CCDC85C: variants seen among roughly 807,000 people sequenced by gnomAD.
CCDC85C encodes the protein coiled-coil domain-containing protein 85C.
A neutral mutation model predicts 38.3 loss-of-function variants in CCDC85C; 18 were observed. The observed-to-expected ratio is 0.47, with a 90% CI of 0.33 to 0.70. CCDC85C has a LOEUF of 0.70. Among genes scored for constraint, CCDC85C ranks in the 30% least tolerant of loss-of-function variants. CCDC85C has a pLI of 0.03. For missense variants in CCDC85C, 566 were observed against 621.2 expected, an observed-to-expected ratio of 0.91 and a Z score of 0.94; for synonymous variants, 264 against 293.8, an observed-to-expected ratio of 0.90 and a Z score of 1.04.
intron 1 of CCDC85C, among the ~76,000 whole-genome samples, chr14:99,601,901 G>A (rs1281597483): frequency 1.3e-5 from 2 of 151,834 alleles, no homozygotes; most frequent in African/African-American, 2.4e-5. Flanking sequence ...CCACCTCCAT[G>A]GGTATGTCTC....
chr14:99,554,492 G>A (rs928067896), intron 1 of CCDC85C, among the ~76,000 whole-genome samples: 3 of 152,208 alleles, frequency 2.0e-5, no homozygotes, highest in Non-Finnish European at 4.4e-5. Context: ...TGTGGCAGGC[G>A]GGCAGGGGGT....
rs142088536 is a variant in CCDC85C at position 99,526,237 on chromosome 14, G to T, written c.868-3997C>A. On this transcript the variant is annotated intron_variant, in intron 2 of 5. Coordinates refer to ENST00000380243, the MANE Select transcript of CCDC85C (RefSeq NM_001144995.2). ...CGCAGCTGAAGAGCTTGAAGGTGCCGTCTGCAGGGAGGGGCCTACATCCAC... is the reference window on the plus strand; with the variant it reads ...CGCAGCTGAAGAGCTTGAAGGTGCCTTCTGCAGGGAGGGGCCTACATCCAC... Among the ~76,000 whole-genome samples, 38 of 152,314 alleles carry T rather than the reference G, an allele frequency of 2.5e-4. No individual in the cohort carries two copies. In the East Asian group the frequency reaches 7.1e-3, roughly 29 times the overall value.
rs1281531256 is a variant in CCDC85C, at chr14:99,520,606, C to T, written c.975+1527G>A. 1.3e-5 allele frequency among the ~76,000 whole-genome samples: 2 copies of T among 151,884 alleles called. No individual in the cohort carries two copies. Among genetic ancestry groups the T allele is most frequent in the African/African-American group, 2.4e-5 (1 of 41,454 alleles). On this transcript the variant is annotated intron_variant, in intron 3 of 5. Transcript: ENST00000380243. This position sits in a 1 kb window ranked among gnomAD's most constrained non-coding sequence, Gnocchi z 4.1. The stretch of plus-strand genomic sequence containing the variant: ...TTCATCCCACTCCTGGGGGCCTGCC[C>T]GCCGACCAGCCCTGATCATGGCCCC...
intron 1 of CCDC85C, among the ~76,000 whole-genome samples, chr14:99,546,114 C>T (rs1455757132): frequency 2.0e-5 from 3 of 152,054 alleles, no homozygotes; most frequent in Admixed American, 6.5e-5. Context: ...CCAAGCCCCC[C>T]GGTAGCATAA....
At chr14:99,518,899 G>T (rs1308954824) in intron 3 of CCDC85C, among the ~76,000 whole-genome samples, 1 of 152,064 alleles carries the variant, frequency 6.6e-6, no homozygotes. Context: ...TCCTGAAAGT[G>T]ACACCAGGAC....
chr14:99,585,824 T>G (rs1235662413), intron 1 of CCDC85C, among the ~76,000 whole-genome samples: 1 of 152,170 alleles, frequency 6.6e-6, no homozygotes, highest in Non-Finnish European at 1.5e-5. Context: ...AGGGCCCACC[T>G]GGCAAGGTGG....
intron 1 of CCDC85C, among the ~76,000 whole-genome samples, chr14:99,553,387 CAG>C (rs1470225036): frequency 6.6e-6 from 1 of 151,932 alleles, no homozygotes; most frequent in Non-Finnish European, 1.5e-5. Context: ...GTTTTTGAGA[CAG>C]AGTCCTGCTT....
intron 1 of CCDC85C, among the ~76,000 whole-genome samples, chr14:99,597,287 A>C (rs929483447): frequency 1.3e-5 from 2 of 152,200 alleles, no homozygotes; most frequent in African/African-American, 4.8e-5. Flanking sequence ...CCTCCTGAAG[A>C]GCAAATTACC....
chr14:99,599,367 C>T (rs941635084), intron 1 of CCDC85C, among the ~76,000 whole-genome samples: 8 of 152,092 alleles, frequency 5.3e-5, no homozygotes, highest in African/African-American at 1.7e-4. Context: ...GAAGGAAATG[C>T]CTGGCAATGG....
rs1218116755 is a variant in CCDC85C at position 99,509,883 on chromosome 14, G to A, written c.*5363C>T. 1.9e-5 allele frequency: 10 copies of A among 517,096 alleles called. No homozygotes were observed. The highest frequency in any genetic ancestry group is 3.7e-5 in the Admixed American group (1 of 27,026). The allele number at this position is 517,096 out of a possible 1,614,324, so 32.0% of individuals were successfully genotyped here. A position where few individuals can be genotyped will look rare whatever the true frequency, so the allele number is the denominator to read the frequency against. The stretch of plus-strand genomic sequence containing the variant: ...TGGGGCCAGGGCACAAGGGGGCTTC[G>A]GGTGCTGCCGAGACTGCCTGTAGGT... On this transcript the variant is annotated 3_prime_UTR_variant, in exon 6 of 6. Coordinates refer to ENST00000380243, the MANE Select transcript of CCDC85C (RefSeq NM_001144995.2).
At chr14:99,566,658 C>T (rs1898221101) in intron 1 of CCDC85C, among the ~76,000 whole-genome samples, 1 of 152,174 alleles carries the variant, frequency 6.6e-6, no homozygotes, top group African/African-American at 2.4e-5. Context: ...TCTGGGCAGG[C>T]GCCCACCTCC....
Position 99,510,280 on chromosome 14 carries a change from C to G in CCDC85C, c.*4966G>C. On this transcript the variant is annotated 3_prime_UTR_variant, in exon 6 of 6. Transcript: ENST00000380243. ...CACCCGGCCCCTGTGCACCAGCCAC[C>G]GCCGCTGCCACACCGGCCCCCGCCC... 6.4e-7 allele frequency: 1 copy of G among 1,565,482 alleles called. No individual in the cohort carries two copies. Among genetic ancestry groups the G allele is most frequent in the South Asian group, 1.2e-5 (1 of 86,622 alleles).
rs1897223205 is a variant in CCDC85C at position 99,516,251 on chromosome 14, G to A, written c.1107C>T (p.Leu369=). ...TCAGGTCCTCCTCACAGCTGTCCTGGAGCTGCCGGTCCAGATTCTCGTGTA... is the reference window on the plus strand; with the variant it reads ...TCAGGTCCTCCTCACAGCTGTCCTGAAGCTGCCGGTCCAGATTCTCGTGTA... The part of the protein sequence containing the change: ...LEVHENLDRQ[L]QDSCEEDLSE... The change falls in exon 5 of 6, where the codon CTC becomes CTT. Residue 369 remains leucine (L), a synonymous_variant. Transcript: ENST00000380243. The surrounding 1 kb of genome is among the most constrained non-coding windows in gnomAD (Gnocchi z 5.5). The A allele has an allele frequency of 6.4e-7, 1 of 1,551,226 alleles. No homozygotes were observed. Among genetic ancestry groups the A allele is most frequent in the Non-Finnish European group, 8.7e-7 (1 of 1,146,954 alleles).
chr14:99,542,852 C>G (rs1283404874), intron 1 of CCDC85C, among the ~76,000 whole-genome samples: 1 of 152,224 alleles, frequency 6.6e-6, no homozygotes, highest in Non-Finnish European at 1.5e-5. Flanking sequence ...GGGTTTCCCC[C>G]AGCGAGGCCT....
chr14:99,503,687 A>AT lies in CCDC85C; in HGVS notation c.*11558dup, dbSNP rs1475255460. Reference sequence around the variant, plus strand: ...TGTTTTTTTAGTTTTATGTGTTTATATGCAAAACTTTAAATTCTTAGCCAA... The same window carrying AT: ...TGTTTTTTTAGTTTTATGTGTTTATATTGCAAAACTTTAAATTCTTAGCCAA... On this transcript the variant is annotated 3_prime_UTR_variant, in exon 6 of 6. Coordinates refer to ENST00000380243, the MANE Select transcript of CCDC85C (RefSeq NM_001144995.2). The AT allele has an allele frequency of 1.1e-5, 17 of 1,483,846 alleles. No individual in the cohort carries two copies. Among genetic ancestry groups the AT allele is most frequent in the Admixed American group, 2.1e-5 (1 of 48,640 alleles). The allele number at this position is 1,483,846 out of a possible 1,614,324, so 91.9% of individuals were successfully genotyped here.
chr14:99,537,417 A>C (rs948338054), intron 1 of CCDC85C, among the ~76,000 whole-genome samples: 7 of 152,098 alleles, frequency 4.6e-5, no homozygotes, highest in African/African-American at 1.4e-4. Context: ...CCACAGGACC[A>C]ATGAAGCATC....
At position 99,513,002 on chromosome 14, in the gene CCDC85C, A is replaced by C; in HGVS notation, c.*2244T>G. On this transcript the variant is annotated 3_prime_UTR_variant, in exon 6 of 6. Coordinates refer to ENST00000380243, the MANE Select transcript of CCDC85C (RefSeq NM_001144995.2). ...AGCCATCCCAGTGCCGTGTTGGCTC[A>C]GGGGTCACCAGCTTTGTGCTGCCTC... 1 of 152,298 alleles carries C rather than the reference A, an allele frequency of 6.6e-6. No individual in the cohort carries two copies. Among genetic ancestry groups the C allele is most frequent in the African/African-American group, 2.4e-5 (1 of 41,544 alleles). The allele number at this position is 152,298 out of a possible 1,614,324, so 9.4% of individuals were successfully genotyped here.
rs759957278 is a variant in CCDC85C, at chr14:99,502,977, G to A, written c.*12269C>T. ...CCCAGTTCTCCCCGACAGGTTAAGC[G>A]AGCCGTGGTGAGTGGGCTAAAGCAG... On this transcript the variant is annotated 3_prime_UTR_variant, in exon 6 of 6. Coordinates refer to ENST00000380243, the MANE Select transcript of CCDC85C (RefSeq NM_001144995.2). The A allele has an allele frequency of 2.5e-6, 4 of 1,613,976 alleles. No homozygotes were observed. The highest frequency in any genetic ancestry group is 3.3e-5 in the Admixed American group (2 of 60,028).
Position 99,502,701 on chromosome 14 carries a change from T to C in CCDC85C, c.*12545A>G. On this transcript the variant is annotated 3_prime_UTR_variant, in exon 6 of 6. Coordinates refer to ENST00000380243, the MANE Select transcript of CCDC85C (RefSeq NM_001144995.2). The stretch of plus-strand genomic sequence containing the variant: ...AAATACCAATTTGTGTAAAATGTAA[T>C]TGTTGGCTATCATTTAGACATCTGC... 6.2e-7 allele frequency: 1 copy of C among 1,608,000 alleles called. No homozygotes were observed. Among genetic ancestry groups the C allele is most frequent in the Non-Finnish European group, 8.5e-7 (1 of 1,174,670 alleles).
Sources: gnomAD v4.1 joint callset for allele counts (sites outside exome capture counted in the v4.1 genomes callset) on GRCh38, gnomAD v4.1.1 for gene constraint, Gnocchi (gnomAD v3.1) non-coding constraint, MANE v1.5 for transcripts, NCBI Gene and HGNC (gene_info 2026-07-23, HGNC 2026-07-21) for gene names.